The following GRM4 variants were observed in gnomAD, a reference collection of about 807,000 sequenced individuals.
GRM4 encodes the protein glutamate metabotropic receptor 4.
GRM4 carries 28 observed loss-of-function variants against 81.7 expected under a neutral mutation model. That is an observed-to-expected ratio of 0.34 (90% CI 0.25 to 0.47). The LOEUF is 0.47. GRM4 is among the 20% of genes least tolerant of loss of function. GRM4 has a pLI of 1.00. For missense variants in GRM4, 948 were observed against 1,290.0 expected, an observed-to-expected ratio of 0.73 and a Z score of 4.06; for synonymous variants, 488 against 528.8, an observed-to-expected ratio of 0.92 and a Z score of 1.06.
chr6:34,112,030 G>A (rs1769404710), intron 2 of GRM4, among the ~76,000 whole-genome samples: 2 of 152,136 alleles, frequency 1.3e-5, no homozygotes, highest in African/African-American at 4.8e-5. Flanking sequence ...AGTGGAAGGG[G>A]GGGACATGAT....
chr6:34,041,387 T>TC (rs945741560), intron 6 of GRM4, among the ~76,000 whole-genome samples: 88 of 152,242 alleles, frequency 5.8e-4, no homozygotes, highest in African/African-American at 2.0e-3. Flanking sequence ...AACCCTCTTG[T>TC]CCCCCAGTGG....
At chr6:34,052,765 G>A (rs1412671496) in intron 6 of GRM4, among the ~76,000 whole-genome samples, 2 of 152,182 alleles carry the variant, frequency 1.3e-5, no homozygotes, top group Non-Finnish European at 2.9e-5. Flanking sequence ...TGAGAGGGAA[G>A]GAGGGGAAGG....
intron 6 of GRM4, among the ~76,000 whole-genome samples, chr6:34,050,276 C>A (rs574667898): frequency 6.6e-6 from 1 of 152,184 alleles, no homozygotes; most frequent in African/African-American, 2.4e-5. Context: ...CAGGATCACC[C>A]TGAAATCGTT....
intron 10 of GRM4, among the ~76,000 whole-genome samples, chr6:34,026,303 G>A (rs938553207): frequency 2.6e-5 from 4 of 152,100 alleles, no homozygotes; most frequent in African/African-American, 7.2e-5. Context: ...GCTCCTGCCC[G>A]GTGCCTCCAT....
chr6:34,059,419 C>G lies in GRM4; in HGVS notation c.873-291G>C. 2.3e-6 allele frequency: 1 copy of G among 429,630 alleles called. No individual in the cohort carries two copies. The highest frequency in any genetic ancestry group is 2.8e-5 in the South Asian group (1 of 35,320). 26.6% of individuals were successfully genotyped at this position (429,630 alleles called of 1,614,324 possible). Reference sequence around the variant, plus strand: ...ACATCTGTCCCTGCAAAGACCACACCTCTCCCCTCCAGATCCACACCCGCC... The same window carrying G: ...ACATCTGTCCCTGCAAAGACCACACGTCTCCCCTCCAGATCCACACCCGCC... On this transcript the variant is annotated intron_variant, in intron 4 of 10. Coordinates refer to ENST00000538487, the MANE Select transcript of GRM4 (RefSeq NM_000841.4). This position sits in a 1 kb window ranked among gnomAD's most constrained non-coding sequence, Gnocchi z 5.7.
intron 2 of GRM4, among the ~76,000 whole-genome samples, chr6:34,112,026 A>AG (rs891117251): frequency 1.2e-4 from 18 of 152,080 alleles, no homozygotes; most frequent in Admixed American, 1.3e-4. Context: ...ACGTAGTGGA[A>AG]GGGGGGGACA....
In GRM4 at chr6:34,103,729, C is replaced by T. The variant is rs1283707791; in HGVS notation, c.520-11630G>A. 2.3e-5 allele frequency: 35 copies of T among 1,513,890 alleles called. No homozygotes were observed. In the Middle Eastern group the frequency reaches 6.5e-4, roughly 28 times the overall value. The allele number at this position is 1,513,890 out of a possible 1,614,324, so 93.8% of individuals were successfully genotyped here. A position where few individuals can be genotyped will look rare whatever the true frequency, so the allele number is the denominator to read the frequency against. On this transcript the variant is annotated intron_variant, in intron 2 of 10. Transcript: ENST00000538487. ...CCCTTTTCCAAGGAGGGCTCAAAGT[C>T]CAACTCCCATAGGTGAGAAGCTGCC...
At chr6:34,062,807 T>A (rs947112030) in intron 3 of GRM4, 2 of 151,920 alleles carry the variant, frequency 1.3e-5, no homozygotes, top group African/African-American at 4.8e-5. Context: ...GCCCCAGATG[T>A]GCCTCTCAAG....
chr6:34,056,499 G>T lies in GRM4; in HGVS notation c.1168+45C>A, dbSNP rs375339329. 23 of 1,556,152 alleles carry T rather than the reference G, an allele frequency of 1.5e-5. No homozygotes were observed. In the African/African-American group the frequency reaches 1.5e-4, roughly 10 times the overall value. On this transcript the variant is annotated intron_variant, in intron 6 of 10. Coordinates refer to ENST00000538487, the MANE Select transcript of GRM4 (RefSeq NM_000841.4). ...AGGCCCCCAGGCTCGGCCCTCCCCG[G>T]CTCCTCCTAGAGCCCGCCCGGCCCT...
In GRM4 at chr6:34,115,339, T is replaced by C. The variant is rs1164160931; in HGVS notation, c.519+17639A>G. Among the ~76,000 whole-genome samples, 2 of 152,172 alleles carry C rather than the reference T, an allele frequency of 1.3e-5. No individual in the cohort carries two copies. Among genetic ancestry groups the C allele is most frequent in the African/African-American group, 4.8e-5 (2 of 41,460 alleles). ...ACTGCTGAATTATTTATTCCCTACA[T>C]TGTTAGCGCAGTAGAGAGAGCAACC... On this transcript the variant is annotated intron_variant, in intron 2 of 10. Coordinates refer to ENST00000538487, the MANE Select transcript of GRM4 (RefSeq NM_000841.4). This position sits in a 1 kb window ranked among gnomAD's most constrained non-coding sequence, Gnocchi z 4.1.
rs1367639396 is a variant in GRM4, at chr6:34,069,664, G to C, written c.737-7636C>G. Among the ~76,000 whole-genome samples the C allele has an allele frequency of 4.4e-5, 4 of 90,294 alleles. No homozygotes were observed. In the East Asian group the frequency reaches 1.6e-3, roughly 37 times the overall value. 59.2% of individuals were successfully genotyped at this position (90,294 alleles called of 152,430 possible). On this transcript the variant is annotated intron_variant, in intron 3 of 10. Coordinates refer to ENST00000538487, the MANE Select transcript of GRM4 (RefSeq NM_000841.4). This position sits in a 1 kb window ranked among gnomAD's most constrained non-coding sequence, Gnocchi z 6.4. ...CAGCCCCCAGTGTGTGTGTGTGTGT[G>C]TGTGTGTGTGTGTGTGTGTGTGTGA...
At chr6:34,140,786 C>T (rs1191784305) in intron 1 of GRM4, among the ~76,000 whole-genome samples, 3 of 152,228 alleles carry the variant, frequency 2.0e-5, no homozygotes, top group Non-Finnish European at 2.9e-5. Context: ...TTTTGGCCTT[C>T]GCCACTAATA....
chr6:34,135,526 T>C (rs1418951369), intron 1 of GRM4, among the ~76,000 whole-genome samples: 1 of 152,188 alleles, frequency 6.6e-6, no homozygotes, highest in Non-Finnish European at 1.5e-5. Flanking sequence ...CCAGCGAAGC[T>C]GACAGAAAGT....
chr6:34,139,150 C>A (rs1240245090), intron 1 of GRM4, among the ~76,000 whole-genome samples: 8 of 152,214 alleles, frequency 5.3e-5, no homozygotes, highest in Non-Finnish European at 1.0e-4. Flanking sequence ...CCTTTCCTTC[C>A]CCCGTGAGCT....
rs1174375898 is a variant in GRM4 at position 34,069,198 on chromosome 6, ACACACACG to A, written c.737-7178_737-7171del. ...CACACACACACACACACACACACACACACACACGCACGCACACACGGCTCCTTCCTTCT... is the reference window on the plus strand; with the variant it reads ...CACACACACACACACACACACACACACACGCACACACGGCTCCTTCCTTCT... On this transcript the variant is annotated intron_variant, in intron 3 of 10. Coordinates refer to ENST00000538487, the MANE Select transcript of GRM4 (RefSeq NM_000841.4). This position sits in a 1 kb window ranked among gnomAD's most constrained non-coding sequence, Gnocchi z 6.4. 9.0e-4 allele frequency among the ~76,000 whole-genome samples: 128 copies of A among 142,330 alleles called. 1 individual carries two copies. Among genetic ancestry groups the A allele is most frequent in the East Asian group, 5.2e-3 (24 of 4,634 alleles). The allele number at this position is 142,330 out of a possible 152,430, so 93.4% of individuals were successfully genotyped here.
At chr6:34,153,607 C>T (rs979963873) in intron 1 of GRM4, among the ~76,000 whole-genome samples, 3 of 152,170 alleles carry the variant, frequency 2.0e-5, no homozygotes, top group Non-Finnish European at 2.9e-5. Flanking sequence ...AAGCCAGGAC[C>T]GGGTGTGGTG....
rs1766066409 is a variant in GRM4 at position 34,059,316 on chromosome 6, C to A, written c.873-188G>T. 4 of 614,452 alleles carry A rather than the reference C, an allele frequency of 6.5e-6. No homozygotes were observed. Among genetic ancestry groups the A allele is most frequent in the South Asian group, 1.9e-5 (1 of 51,330 alleles). 38.1% of individuals were successfully genotyped at this position (614,452 alleles called of 1,614,324 possible). A position where few individuals can be genotyped will look rare whatever the true frequency, so the allele number is the denominator to read the frequency against. On this transcript the variant is annotated intron_variant, in intron 4 of 10. Coordinates refer to ENST00000538487, the MANE Select transcript of GRM4 (RefSeq NM_000841.4). This position sits in a 1 kb window ranked among gnomAD's most constrained non-coding sequence, Gnocchi z 5.7. Reference sequence around the variant, plus strand: ...CCCGCTGCCCTCACCTGCTCATAGACCCATGGCTACCGCCTCATCCAACCT... The same window carrying A: ...CCCGCTGCCCTCACCTGCTCATAGAACCATGGCTACCGCCTCATCCAACCT...
intron 3 of GRM4, among the ~76,000 whole-genome samples, chr6:34,084,371 G>T (rs1039820418): frequency 7.2e-5 from 11 of 152,188 alleles, no homozygotes; most frequent in African/African-American, 2.7e-4. Context: ...TGGGGCAGGG[G>T]CAGAGGGAAG....
intron 10 of GRM4, among the ~76,000 whole-genome samples, chr6:34,027,584 TA>T (rs924015361): frequency 2.6e-5 from 4 of 152,144 alleles, no homozygotes; most frequent in African/African-American, 9.7e-5. Flanking sequence ...AGGTGCCTGC[TA>T]GGGGGTGGCT....
Sources: gnomAD v4.1 joint callset for allele counts (sites outside exome capture counted in the v4.1 genomes callset) on GRCh38, gnomAD v4.1.1 for gene constraint, Gnocchi (gnomAD v3.1) non-coding constraint, MANE v1.5 for transcripts, NCBI Gene and HGNC (gene_info 2026-07-23, HGNC 2026-07-21) for gene names.